Variants in RSPO1 observed in about 807,000 individuals in gnomAD.
RSPO1 encodes R-spondin 1.
RSPO1 carries 18 observed loss-of-function variants against 26.0 expected under a neutral mutation model. The ratio of observed to expected loss-of-function variants is 0.69; its 90% CI spans 0.48 to 1.03. RSPO1 has a LOEUF of 1.03. Among genes scored for constraint, RSPO1 ranks in the 50% least tolerant of loss-of-function variants. The pLI, the probability that RSPO1 is intolerant of heterozygous loss-of-function variation, is 0.00. For synonymous variants in RSPO1, 133 were observed against 137.4 expected (o/e 0.97, Z 0.22); for missense variants, 309 against 352.3 (o/e 0.88, Z 0.98).
Position 37,629,501 on chromosome 1 carries a change from C to A in RSPO1, c.94+67G>T, listed in dbSNP as rs1348867833. On this transcript the variant is annotated intron_variant, in intron 3 of 6. Coordinates refer to ENST00000356545, the MANE Select transcript of RSPO1 (RefSeq NM_001242908.2). The stretch of plus-strand genomic sequence containing the variant: ...TCATGGAATAAAACTCCTGAAGACC[C>A]CTAGTTCCTGGGTGGCCCCCTCCCA... 4 of 1,319,642 alleles carry A rather than the reference C, an allele frequency of 3.0e-6. No homozygotes were observed. The East Asian group carries it at 9.2e-5, about 30-fold the overall frequency. 81.7% of individuals were successfully genotyped at this position (1,319,642 alleles called of 1,614,324 possible). A position where few individuals can be genotyped will look rare whatever the true frequency, so the allele number is the denominator to read the frequency against.
intron 2 of RSPO1, chr1:37,631,750 G>GT (rs1644364057): frequency 6.6e-6 from 1 of 152,204 alleles, no homozygotes; most frequent in Non-Finnish European, 1.5e-5. Flanking sequence ...AATATTTGCT[G>GT]TATTTGTTAT....
chr1:37,627,798 G>A (rs1017580768), intron 3 of RSPO1, among the ~76,000 whole-genome samples: 6 of 152,028 alleles, frequency 3.9e-5, no homozygotes, highest in African/African-American at 1.5e-4. Flanking sequence ...AACAAGTATT[G>A]ACAAACAGCA....
rs1644327500 is a variant in RSPO1, at chr1:37,629,645, C to T, written c.17G>A (p.Cys6Tyr). Residue 6 changes from cysteine (C) to tyrosine (Y), a missense_variant, in exon 3 of 7, where the codon TGT (cysteine) becomes TAT (tyrosine). By Grantham distance (194) the Cys-to-Tyr change is radical. Transcript: ENST00000356545. MRLGL[C>Y]VVALVLSWTH... is the part of the protein sequence containing the mutation. ...CCAGCTCAGAACCAGGGCCACCACA[C>T]ACAGCCCAAGCCGCATAGTCACGCG... The T allele has an allele frequency of 6.2e-7, 1 of 1,614,084 alleles. No homozygotes were observed. The highest frequency in any genetic ancestry group is 8.5e-7 in the Non-Finnish European group (1 of 1,180,050).
chr1:37,614,455 T>C lies in RSPO1; in HGVS notation c.287-122A>G. On this transcript the variant is annotated intron_variant, in intron 4 of 6. Transcript: ENST00000356545. ...CTACATGGAGGGCAGGACCCTGGCC[T>C]AGAGCTGCAGGTACTGCAGAGGAAT... 2.7e-6 allele frequency: 3 copies of C among 1,098,990 alleles called. No individual in the cohort carries two copies. The South Asian group carries it at 3.9e-5, about 14-fold the overall frequency. 68.1% of individuals were successfully genotyped at this position (1,098,990 alleles called of 1,614,324 possible).
intron 3 of RSPO1, among the ~76,000 whole-genome samples, chr1:37,621,957 G>A (rs186537270): frequency 1.0e-3 from 153 of 152,106 alleles, no homozygotes; most frequent in Non-Finnish European, 1.5e-3. Context: ...ACATGCCACC[G>A]TGCTTGGCTA....
intron 3 of RSPO1, among the ~76,000 whole-genome samples, chr1:37,629,010 A>G (rs981509009): frequency 6.6e-6 from 1 of 152,142 alleles, no homozygotes; most frequent in African/African-American, 2.4e-5. Context: ...ATGCCACTGT[A>G]GCTCCCTGAA....
At chr1:37,630,300 G>C (rs532180231) in intron 2 of RSPO1, among the ~76,000 whole-genome samples, 24 of 150,296 alleles carry the variant, frequency 1.6e-4, no homozygotes, top group Non-Finnish European at 3.3e-4. Context: ...TCATGCTGCA[G>C]TAGTATCCTG....
intron 3 of RSPO1, among the ~76,000 whole-genome samples, chr1:37,623,582 G>A (rs1010211234): frequency 1.3e-5 from 2 of 151,912 alleles, no homozygotes; most frequent in Non-Finnish European, 2.9e-5. Flanking sequence ...ATCCTGGATC[G>A]ACCATGGCAT....
At position 37,629,780 on chromosome 1, in the gene RSPO1, C is replaced by T. The variant is rs530760760; in HGVS notation, c.-119G>A. ...AGCAGCAGGAGGCCCAGGCCTGGGC[C>T]GTAGCCCAAATCCACCATAATCTCA... On this transcript the variant is annotated 5_prime_UTR_variant, in exon 3 of 7. Transcript: ENST00000356545. 4.6e-4 allele frequency: 707 copies of T among 1,552,816 alleles called. 1 individual carries two copies. The highest frequency in any genetic ancestry group is 3.1e-3 in the South Asian group (258 of 84,446).
chr1:37,624,926 C>T (rs147624494), intron 3 of RSPO1, among the ~76,000 whole-genome samples: 7 of 152,308 alleles, frequency 4.6e-5, no homozygotes, highest in East Asian at 3.9e-4. Context: ...CTGGACATGT[C>T]GCACTATCTC....
In RSPO1 at chr1:37,611,480, T is replaced by C. The variant is rs1374548021; in HGVS notation, c.*1275A>G. 6.6e-6 allele frequency: 1 copy of C among 152,248 alleles called. No homozygotes were observed. Among genetic ancestry groups the C allele is most frequent in the Non-Finnish European group, 1.5e-5 (1 of 68,054 alleles). The allele number at this position is 152,248 out of a possible 1,614,324, so 9.4% of individuals were successfully genotyped here. A position where few individuals can be genotyped will look rare whatever the true frequency, so the allele number is the denominator to read the frequency against. On this transcript the variant is annotated 3_prime_UTR_variant, in exon 7 of 7. Coordinates refer to ENST00000356545, the MANE Select transcript of RSPO1 (RefSeq NM_001242908.2). ...TGTGTTTGTACAATTCCTTGGTGCA[T>C]GCCTATTTTCTTCCCCACCAACCTC...
At position 37,619,550 on chromosome 1, in the gene RSPO1, G is replaced by A. The variant is rs533985133; in HGVS notation, c.95-2875C>T. Among the ~76,000 whole-genome samples the A allele has an allele frequency of 5.9e-5, 9 of 152,288 alleles. No homozygotes were observed. In the East Asian group the frequency reaches 1.7e-3, roughly 29 times the overall value. The stretch of plus-strand genomic sequence containing the variant: ...GGAGGAGTTAGGAAGGAGAGCAACC[G>A]AAGGAAGGAAGATGATAACAAACAC... On this transcript the variant is annotated intron_variant, in intron 3 of 6. Transcript: ENST00000356545.
At chr1:37,621,843 C>T (rs902274960) in intron 3 of RSPO1, among the ~76,000 whole-genome samples, 4 of 149,886 alleles carry the variant, frequency 2.7e-5, no homozygotes, top group African/African-American at 9.9e-5. Context: ...ACTGTGTTGC[C>T]CAGGCTAGAC....
In RSPO1 at chr1:37,634,739, G is replaced by A. The variant is rs1436162329; in HGVS notation, c.-529C>T. 2 of 152,282 alleles carry A rather than the reference G, an allele frequency of 1.3e-5. No homozygotes were observed. The highest frequency in any genetic ancestry group is 2.4e-5 in the African/African-American group (1 of 41,472). 9.4% of individuals were successfully genotyped at this position (152,282 alleles called of 1,614,324 possible). On this transcript the variant is annotated 5_prime_UTR_variant, in exon 1 of 7. Transcript: ENST00000356545. The surrounding 1 kb of genome is among the most constrained non-coding windows in gnomAD (Gnocchi z 4.7). Reference sequence around the variant, plus strand: ...GCCCTCGGGGCCAGCGCCCCACCCGGCGCATCGGTCCTCCGGGGCGGCTCG... The same window carrying A: ...GCCCTCGGGGCCAGCGCCCCACCCGACGCATCGGTCCTCCGGGGCGGCTCG...
At chr1:37,614,407 C>A in intron 4 of RSPO1, 74 bp from the exon 5 acceptor site, 1 of 1,558,930 alleles carries the variant, frequency 6.4e-7, no homozygotes, top group Non-Finnish European at 8.8e-7. Flanking sequence ...AGCCCCAATA[C>A]CCTCCCTTCT....
chr1:37,619,996 G>A (rs990884240), intron 3 of RSPO1, among the ~76,000 whole-genome samples: 4 of 151,956 alleles, frequency 2.6e-5, no homozygotes, highest in East Asian at 3.9e-4. Flanking sequence ...TGATCCACCC[G>A]CCTGGGCCTC....
At chr1:37,621,549 C>T (rs1307604213) in intron 3 of RSPO1, among the ~76,000 whole-genome samples, 2 of 151,744 alleles carry the variant, frequency 1.3e-5, no homozygotes, top group Non-Finnish European at 2.9e-5. Flanking sequence ...AAGGTGACCT[C>T]GAGATGCTGG....
chr1:37,625,661 C>T (rs1006232751), intron 3 of RSPO1, among the ~76,000 whole-genome samples: 2 of 151,416 alleles, frequency 1.3e-5, no homozygotes, highest in Admixed American at 1.3e-4. Flanking sequence ...GGGCACGTCC[C>T]GCTGGTAGGC....
Position 37,616,528 on chromosome 1 carries a change from G to T in RSPO1, c.242C>A (p.Pro81His), listed in dbSNP as rs1349113674. The change falls in exon 4 of 7, where the codon CCT (proline) becomes CAT (histidine). Residue 81 changes from proline to histidine, a missense_variant. Physicochemically the swap from Pro to His is moderately conservative, Grantham distance 77 (BLOSUM62 -2). Coordinates refer to ENST00000356545, the MANE Select transcript of RSPO1 (RefSeq NM_001242908.2). ...GGGGTTGCGGGCGTCGAAGTATCCAGGTGGGCAGGACGGCAAGCAGACGCC... is the reference window on the plus strand; with the variant it reads ...GGGGTTGCGGGCGTCGAAGTATCCATGTGGGCAGGACGGCAAGCAGACGCC... ...QVGVCLPSCP[P>H]GYFDARNPDM... 1 of 1,614,220 alleles carries T rather than the reference G, an allele frequency of 6.2e-7. No individual in the cohort carries two copies.
Sources: allele counts gnomAD v4.1 joint callset (sites outside exome capture counted in the v4.1 genomes callset), GRCh38; gene constraint gnomAD v4.1.1; non-coding constraint Gnocchi (gnomAD v3.1); transcripts MANE v1.5; gene names NCBI Gene and HGNC (gene_info 2026-07-23, HGNC 2026-07-21).